The following HSPG2 variants were observed in gnomAD, a reference collection of about 807,000 sequenced individuals.
The protein encoded by HSPG2 is heparan sulfate proteoglycan 2.
A neutral mutation model predicts 526.6 loss-of-function variants in HSPG2; 278 were observed. The observed-to-expected ratio is 0.53, with a 90% CI of 0.48 to 0.58. The LOEUF (loss-of-function observed/expected upper bound fraction) is 0.58, where lower values mean the gene tolerates loss of function less well. HSPG2 is among the 20% of genes least tolerant of loss of function. The pLI is 0.00. For missense variants in HSPG2, 5,354 were observed against 6,099.5 expected, an observed-to-expected ratio of 0.88 and a Z score of 4.07; for synonymous variants, 2,465 against 2,555.4, an observed-to-expected ratio of 0.96 and a Z score of 1.07.
At chr1:21,933,425 C>A (rs1014008449) in intron 1 of HSPG2, among the ~76,000 whole-genome samples, 2 of 152,108 alleles carry the variant, frequency 1.3e-5, no homozygotes, top group Admixed American at 1.3e-4. Context: ...TCAGAGCAGA[C>A]AGTGGGTACT....
intron 1 of HSPG2, among the ~76,000 whole-genome samples, chr1:21,922,118 C>T (rs1417336286): frequency 2.0e-5 from 3 of 152,128 alleles, no homozygotes; most frequent in Non-Finnish European, 2.9e-5. Flanking sequence ...TAATAGTTCC[C>T]GTTATTTATC....
chr1:21,877,072 A>AG (rs1641131713), intron 21 of HSPG2, among the ~76,000 whole-genome samples: 1 of 151,368 alleles, frequency 6.6e-6, no homozygotes, highest in South Asian at 2.1e-4. Flanking sequence ...AAAAAAAAAA[A>AG]AAAAGAAAAG....
chr1:21,823,015 TGG>T lies in HSPG2; in HGVS notation c.*299_*300del, dbSNP rs146396278. ...CAGCTCTATCTGGGGGCTCCATCGGTGGGTAGGGGGACAGTGGGGGCAGTTCT... is the reference window on the plus strand; with the variant it reads ...CAGCTCTATCTGGGGGCTCCATCGGTGTAGGGGGACAGTGGGGGCAGTTCT... On this transcript the variant is annotated 3_prime_UTR_variant, in exon 97 of 97. Transcript: ENST00000374695. 1 of 288,036 alleles carries T rather than the reference TGG, an allele frequency of 3.5e-6. No individual in the cohort carries two copies. The highest frequency in any genetic ancestry group is 6.1e-5 in the East Asian group (1 of 16,436). 17.8% of individuals were successfully genotyped at this position (288,036 alleles called of 1,614,324 possible). A position where few individuals can be genotyped will look rare whatever the true frequency, so the allele number is the denominator to read the frequency against.
rs947236624 is a variant in HSPG2 at position 21,924,598 on chromosome 1, G to A, written c.63+12557C>T. Reference sequence around the variant, plus strand: ...CCCATCTTGTGAGTAGGAAAACTGAGGCCCGGGGAGGAGAGATGGTAGCTG... The same window carrying A: ...CCCATCTTGTGAGTAGGAAAACTGAAGCCCGGGGAGGAGAGATGGTAGCTG... On this transcript the variant is annotated intron_variant, in intron 1 of 96. Coordinates refer to ENST00000374695, the MANE Select transcript of HSPG2 (RefSeq NM_005529.7). Among the ~76,000 whole-genome samples the A allele has an allele frequency of 2.0e-5, 3 of 152,114 alleles. No homozygotes were observed. The East Asian group carries it at 5.8e-4, about 29-fold the overall frequency.
Position 21,828,951 on chromosome 1 carries a change from C to G in HSPG2, c.12121G>C (p.Gly4041Arg). ...TGCAGGTTGAGGCCCTGGCTCTTGC[C>G]GGGCGAGGAGCGCAGCACAGGGCGT... is the stretch of plus-strand genomic sequence containing the variant. The part of the protein sequence containing the change: ...GGRPVLRSSP[G>R]KSQGLNLHTL... Residue 4041 changes from glycine to arginine, a missense_variant, in exon 88 of 97, where the codon GGC (glycine) becomes CGC (arginine). Gly to Arg is a moderately radical substitution (Grantham distance 125). Transcript: ENST00000374695. The surrounding 1 kb of genome is among the most constrained non-coding windows in gnomAD (Gnocchi z 6.0). 6.3e-7 allele frequency: 1 copy of G among 1,576,322 alleles called. No homozygotes were observed. The highest frequency in any genetic ancestry group is 1.2e-5 in the South Asian group (1 of 85,824).
chr1:21,890,110 C>G lies in HSPG2; in HGVS notation c.445G>C (p.Asp149His). 1.2e-6 allele frequency: 2 copies of G among 1,614,048 alleles called. No individual in the cohort carries two copies. Among genetic ancestry groups the G allele is most frequent in the Non-Finnish European group, 1.7e-6 (2 of 1,179,964 alleles). Residue 149 changes from aspartate (D) to histidine (H), a missense_variant, in exon 6 of 97, where the codon GAT becomes CAT. Transcript: ENST00000374695. This position sits in a 1 kb window ranked among gnomAD's most constrained non-coding sequence, Gnocchi z 4.1. ...ELDGWVFVEL[D>H]VGSEGNADGA... ...TCCGCATTCCCTTCCGAGCCCACATCCAGCTCCACAAAAACCCAGCCATCC... is the reference window on the plus strand; with the variant it reads ...TCCGCATTCCCTTCCGAGCCCACATGCAGCTCCACAAAAACCCAGCCATCC...
intron 85 of HSPG2, 26 bp downstream of exon 85, chr1:21,830,956 C>T (rs911523284): frequency 4.0e-6 from 6 of 1,508,784 alleles, no homozygotes; most frequent in Admixed American, 1.9e-5. Flanking sequence ...CCTGGGGCGA[C>T]AGCGACTGGC....
Position 21,859,576 on chromosome 1 carries a change from C to A in HSPG2, c.5283G>T (p.Leu1761=). The change falls in exon 42 of 97, where the codon CTG becomes CTT. Residue 1761 remains leucine, a synonymous_variant. Coordinates refer to ENST00000374695, the MANE Select transcript of HSPG2 (RefSeq NM_005529.7). The surrounding 1 kb of genome is among the most constrained non-coding windows in gnomAD (Gnocchi z 5.3). ...GGCGTAGGGACTCACCAGTGACCAG[C>A]AGCTCTGCCCGGCTGGTATTGGATT... The part of the protein sequence containing the change: ...LHQSNTSRAE[L]LVTEAPSKPI... 1.3e-6 allele frequency: 2 copies of A among 1,596,952 alleles called. No individual in the cohort carries two copies. The highest frequency in any genetic ancestry group is 1.7e-6 in the Non-Finnish European group (2 of 1,171,372).
In HSPG2 at chr1:21,824,536, C is replaced by T. The variant is rs1431652818; in HGVS notation, c.12744+1G>A. ...GAGCCCAGCCGGATACCCACACTCA[C>T]CACACCCTGCCAGAGCAGGAGGCCA... is the stretch of plus-strand genomic sequence containing the variant. On this transcript the variant is annotated splice_donor_variant, in intron 93 of 96. Transcript: ENST00000374695. LOFTEE classifies it high-confidence loss of function. The surrounding 1 kb of genome is among the most constrained non-coding windows in gnomAD (Gnocchi z 5.9). 1.2e-6 allele frequency: 2 copies of T among 1,613,396 alleles called. No individual in the cohort carries two copies. Among genetic ancestry groups the T allele is most frequent in the East Asian group, 2.2e-5 (1 of 44,880 alleles).
At position 21,831,170 on chromosome 1, in the gene HSPG2, G is replaced by C. The variant is rs571609255; in HGVS notation, c.11562+45C>G. ...CCCACAGGGGCCAGCCATGGCTAGG[G>C]GTGGAGGCCACGGCAGCCAGGTGGT... On this transcript the variant is annotated intron_variant, in intron 84 of 96. Transcript: ENST00000374695. 1.9e-6 allele frequency: 3 copies of C among 1,600,808 alleles called. No homozygotes were observed. In the East Asian group the frequency reaches 6.7e-5, roughly 36 times the overall value.
At chr1:21,936,479 A>G (rs1308065495) in intron 1 of HSPG2, among the ~76,000 whole-genome samples, 1 of 152,098 alleles carries the variant, frequency 6.6e-6, no homozygotes, top group African/African-American at 2.4e-5. Flanking sequence ...CCCTGCAGCT[A>G]TGCATTTTGA....
chr1:21,862,002 G>T lies in HSPG2; in HGVS notation c.4854C>A (p.Thr1618=). 6.2e-7 allele frequency: 1 copy of T among 1,614,220 alleles called. No homozygotes were observed. The highest frequency in any genetic ancestry group is 8.5e-7 in the Non-Finnish European group (1 of 1,180,034). Residue 1618 remains threonine (T), a synonymous_variant, in exon 38 of 97, where the codon ACC becomes ACA. Transcript: ENST00000374695. ...EDCQPCACPL[T]NPENMFSRTC... ...AGGGTACCCACATGTTCTCTGGGTT[G>T]GTCAGTGGGCAGGCACAGGGCTGGC... is the stretch of plus-strand genomic sequence containing the variant.
intron 44 of HSPG2, among the ~76,000 whole-genome samples, chr1:21,856,530 GC>G (rs77213026): frequency 0.2 from 31,135 of 152,036 alleles, 3,292 homozygotes; most frequent in East Asian, 0.37. Flanking sequence ...CGATTCTCCT[GC>G]CTCAGCCTCC....
chr1:21,831,444 A>T lies in HSPG2; in HGVS notation c.11452+19T>A, dbSNP rs764258101. 3 of 1,611,776 alleles carry T rather than the reference A, an allele frequency of 1.9e-6. No homozygotes were observed. The highest frequency in any genetic ancestry group is 2.5e-6 in the Non-Finnish European group (3 of 1,178,146). On this transcript the variant is annotated intron_variant, in intron 83 of 96. Transcript: ENST00000374695. ...CCAGGTAAGGCCCAGCCTCAGCTGG[A>T]GGTGGGGAGGGGGCTCACCTATGAA...
chr1:21,851,364 G>C, intron 55 of HSPG2, 182 bp downstream of exon 55: 1 of 773,972 alleles, frequency 1.3e-6, no homozygotes, highest in Non-Finnish European at 2.1e-6. Flanking sequence ...AAGTGGTGGA[G>C]CCAGAATTCA....
chr1:21,871,132 C>T (rs1178305313), intron 33 of HSPG2, among the ~76,000 whole-genome samples: 1 of 152,140 alleles, frequency 6.6e-6, no homozygotes, highest in Non-Finnish European at 1.5e-5. Flanking sequence ...TGTCCCAGAG[C>T]CCACCCCTGA....
In HSPG2 at chr1:21,824,408, C is replaced by T; in HGVS notation, c.12745-32G>A. 2.5e-6 allele frequency: 4 copies of T among 1,612,602 alleles called. No individual in the cohort carries two copies. The highest frequency in any genetic ancestry group is 3.4e-6 in the Non-Finnish European group (4 of 1,179,088). On this transcript the variant is annotated intron_variant, in intron 93 of 96. Transcript: ENST00000374695. The surrounding 1 kb of genome is among the most constrained non-coding windows in gnomAD (Gnocchi z 5.9). ...GGGAAGCACAGGGTCTCTGGGGTCC[C>T]CAGCCTGGAGAGCAGAGGCTGCCGA...
chr1:21,924,099 C>T (rs1644119138), intron 1 of HSPG2, among the ~76,000 whole-genome samples: 1 of 152,206 alleles, frequency 6.6e-6, no homozygotes, highest in South Asian at 2.1e-4. Context: ...GCTTCAAGGT[C>T]TAGGGCACAG....
In HSPG2 at chr1:21,902,218, G is replaced by A. The variant is rs532222038; in HGVS notation, c.64-5908C>T. Among the ~76,000 whole-genome samples, 9 of 152,308 alleles carry A rather than the reference G, an allele frequency of 5.9e-5. No homozygotes were observed. In the South Asian group the frequency reaches 6.2e-4, roughly 11 times the overall value. The stretch of plus-strand genomic sequence containing the variant: ...GGCAGTCTGAGAGGGGCGCCGGGCC[G>A]GAAGGGAGGTGGCCACAGCCTCCTC... On this transcript the variant is annotated intron_variant, in intron 1 of 96. Coordinates refer to ENST00000374695, the MANE Select transcript of HSPG2 (RefSeq NM_005529.7).
Sources: gnomAD v4.1 joint callset for allele counts (sites outside exome capture counted in the v4.1 genomes callset) on GRCh38, gnomAD v4.1.1 for gene constraint, Gnocchi (gnomAD v3.1) non-coding constraint, MANE v1.5 for transcripts, NCBI Gene and HGNC (gene_info 2026-07-23, HGNC 2026-07-21) for gene names.